Variants in EPC1 observed in about 807,000 individuals in gnomAD.
EPC1 encodes the protein enhancer of polycomb 1, also known as enhancer of polycomb homolog 1.
In EPC1, 12 loss-of-function variants were observed where a neutral mutation model predicts 98.4. The ratio of observed to expected loss-of-function variants is 0.12; its 90% CI spans 0.08 to 0.20. The LOEUF (loss-of-function observed/expected upper bound fraction) is 0.20, where lower values mean the gene tolerates loss of function less well. Ranked by LOEUF, EPC1 falls within the 10% of genes least tolerant of loss-of-function variation. The pLI, the probability that EPC1 is intolerant of heterozygous loss-of-function variation, is 1.00. For missense variants in EPC1, 729 were observed against 990.5 expected (o/e 0.74, Z 3.54); for synonymous variants, 357 against 363.9 (o/e 0.98, Z 0.21).
chr10:32,269,605 T>A (rs1261117030), intron 13 of EPC1: 1 of 152,612 alleles, frequency 6.6e-6, no homozygotes, highest in Non-Finnish European at 1.5e-5. Context: ...AGAAATACAT[T>A]AACTTCTCTG....
upstream of EPC1, among the ~76,000 whole-genome samples, chr10:32,349,271 C>T (rs1839039763): frequency 6.6e-6 from 1 of 152,170 alleles, no homozygotes. Context: ...TATTTCTACC[C>T]TCATTAAAAT....
chr10:32,280,086 TAA>T (rs1564521566), intron 10 of EPC1, among the ~76,000 whole-genome samples: 3 of 152,158 alleles, frequency 2.0e-5, no homozygotes, highest in African/African-American at 7.2e-5. Flanking sequence ...GGAAGGAAAG[TAA>T]AAAAGATTCT....
At chr10:32,337,336 A>C (rs1454775757) in intron 1 of EPC1, among the ~76,000 whole-genome samples, 1 of 152,188 alleles carries the variant, frequency 6.6e-6, no homozygotes, top group Non-Finnish European at 1.5e-5. Context: ...TGAGCTTCCC[A>C]AACTGTTCTT....
chr10:32,319,780 G>A (rs1430131225), intron 1 of EPC1, among the ~76,000 whole-genome samples: 4 of 152,126 alleles, frequency 2.6e-5, no homozygotes, highest in African/African-American at 9.7e-5. Context: ...GGGTTCAAGC[G>A]ACTCTCCTGC....
chr10:32,335,702 G>C (rs1315869812), intron 1 of EPC1, among the ~76,000 whole-genome samples: 1 of 152,078 alleles, frequency 6.6e-6, no homozygotes, highest in African/African-American at 2.4e-5. Context: ...CCACACTTCT[G>C]GCATCATTTT....
chr10:32,351,401 A>G (rs1054438326), upstream of EPC1, among the ~76,000 whole-genome samples: 1 of 152,134 alleles, frequency 6.6e-6, no homozygotes, highest in Non-Finnish European at 1.5e-5. Context: ...TCATGCCTGT[A>G]ATCCCAGTAC....
chr10:32,376,289 T>C (rs1160041767), intron 1 of EPC1, among the ~76,000 whole-genome samples: 2 of 152,074 alleles, frequency 1.3e-5, no homozygotes, highest in Non-Finnish European at 2.9e-5. Context: ...CTACCTTATA[T>C]ACACATGTTT....
Position 32,346,601 on chromosome 10 carries a change from G to A in EPC1, c.153+162C>T, listed in dbSNP as rs1055772356. 62 of 710,536 alleles carry A rather than the reference G, an allele frequency of 8.7e-5. No homozygotes were observed. In the East Asian group the frequency reaches 1.6e-3, roughly 19 times the overall value. 44.0% of individuals were successfully genotyped at this position (710,536 alleles called of 1,614,324 possible). A position where few individuals can be genotyped will look rare whatever the true frequency, so the allele number is the denominator to read the frequency against. On this transcript the variant is annotated intron_variant, in intron 1 of 13. Coordinates refer to ENST00000319778, the MANE Select transcript of EPC1 (RefSeq NM_001272004.3). ...CCCCGCTGGGCCGCGGCGGCCGGGG[G>A]TCGAGGCTGGGGGAGGCGGGGTATA... is the stretch of plus-strand genomic sequence containing the variant.
chr10:32,277,418 T>C (rs1253367791), intron 10 of EPC1, among the ~76,000 whole-genome samples: 1 of 152,178 alleles, frequency 6.6e-6, no homozygotes, highest in African/African-American at 2.4e-5. Context: ...CAGTTTTTGG[T>C]TCAATACATA....
chr10:32,302,055 CGAG>C (rs1835580397), intron 2 of EPC1, among the ~76,000 whole-genome samples: 1 of 151,854 alleles, frequency 6.6e-6, no homozygotes, highest in African/African-American at 2.4e-5. Context: ...GGGCGGATCA[CGAG>C]GTCAGGAGAT....
At position 32,378,039 on chromosome 10, in the gene EPC1, C is replaced by A. The variant is rs76192713; in HGVS notation, c.3+452G>T. Among the ~76,000 whole-genome samples the A allele has an allele frequency of 3.4e-3, 519 of 152,244 alleles. 18 individuals are homozygous for A. The East Asian group carries it at 0.068, about 20-fold the overall frequency. Reference sequence around the variant, plus strand: ...ACCTCCACCTTCATTATACCAAGGGCAGCTTTTCTGTAGTTTGTATCCAAG... The same window carrying A: ...ACCTCCACCTTCATTATACCAAGGGAAGCTTTTCTGTAGTTTGTATCCAAG... On this transcript the variant is annotated intron_variant, in intron 1 of 13. Coordinates refer to the EPC1 transcript ENST00000375110.
chr10:32,290,505 A>AAAAAAGAAAGAAAGAAAG (rs1554819136), intron 6 of EPC1, among the ~76,000 whole-genome samples: 20 of 77,522 alleles, frequency 2.6e-4, no homozygotes, highest in African/African-American at 9.9e-4. Flanking sequence ...AAAAAAAAAA[A>AAAAAAGAAAGAAAGAAAG]AAAGAAAGAA....
chr10:32,325,581 G>A (rs995861084), intron 1 of EPC1, among the ~76,000 whole-genome samples: 11 of 152,156 alleles, frequency 7.2e-5, no homozygotes, highest in Non-Finnish European at 1.6e-4. Flanking sequence ...AGAGTGGAAG[G>A]AGATAAAATA....
rs1020022511 is a variant in EPC1 at position 32,268,859 on chromosome 10, G to A, written c.*204C>T. The A allele has an allele frequency of 2.0e-6, 1 of 510,350 alleles. No homozygotes were observed. Among genetic ancestry groups the A allele is most frequent in the Non-Finnish European group, 3.5e-6 (1 of 284,894 alleles). The allele number at this position is 510,350 out of a possible 1,614,324, so 31.6% of individuals were successfully genotyped here. A position where few individuals can be genotyped will look rare whatever the true frequency, so the allele number is the denominator to read the frequency against. ...ATGCAGTACTGTACAGATAATTGCT[G>A]TATTCTTAATTTACAGATGTTGATT... is the stretch of plus-strand genomic sequence containing the variant. On this transcript the variant is annotated 3_prime_UTR_variant, in exon 14 of 14. Transcript: ENST00000319778.
At chr10:32,331,349 T>A (rs1306517037) in intron 1 of EPC1, among the ~76,000 whole-genome samples, 2 of 147,558 alleles carry the variant, frequency 1.4e-5, no homozygotes, top group African/African-American at 5.0e-5. Flanking sequence ...CAAAACTCCA[T>A]CTCAAAAGAA....
intron 1 of EPC1, among the ~76,000 whole-genome samples, chr10:32,341,082 T>C (rs1838313209): frequency 6.6e-6 from 1 of 152,226 alleles, no homozygotes; most frequent in African/African-American, 2.4e-5. Context: ...CAATATAAAA[T>C]TCTCATTTCC....
chr10:32,290,500 A>AAAAG (rs1836941184), intron 6 of EPC1, among the ~76,000 whole-genome samples: 1 of 114,754 alleles, frequency 8.7e-6, no homozygotes, highest in African/African-American at 3.1e-5. Context: ...AAAAAAAAAA[A>AAAAG]AAAAAAAAGA....
At chr10:32,296,100 T>G (rs1042520639) in intron 2 of EPC1, among the ~76,000 whole-genome samples, 45 of 138,632 alleles carry the variant, frequency 3.2e-4, no homozygotes, top group Non-Finnish European at 4.3e-4. Flanking sequence ...ATTTTCGTAG[T>G]TTTTTTTTTT....
intron 5 of EPC1, 142 bp downstream of exon 5, chr10:32,292,354 G>C: frequency 3.5e-6 from 2 of 570,868 alleles, no homozygotes; most frequent in Non-Finnish European, 5.6e-6. Context: ...AGTATAAAAA[G>C]TATCATACCA....
Sources: gnomAD v4.1 joint callset for allele counts (sites outside exome capture counted in the v4.1 genomes callset) on GRCh38, gnomAD v4.1.1 for gene constraint, MANE v1.5 for transcripts, NCBI Gene and HGNC (gene_info 2026-07-23, HGNC 2026-07-21) for gene names.